The following CTBP1 variants were observed in gnomAD, a reference collection of about 807,000 sequenced individuals.
CTBP1 encodes C-terminal binding protein 1.
CTBP1 carries 11 observed loss-of-function variants against 42.1 expected under a neutral mutation model. The observed-to-expected ratio is 0.26, with a 90% CI of 0.16 to 0.43. The LOEUF (loss-of-function observed/expected upper bound fraction) is 0.43. Among genes scored for constraint, CTBP1 ranks in the 20% least tolerant of loss-of-function variants. The probability of loss-of-function intolerance (pLI) is 1.00; values close to 1 mark genes in which losing one functional copy is unlikely to be tolerated. For missense variants in CTBP1, 399 were observed against 624.3 expected, an observed-to-expected ratio of 0.64 and a Z score of 3.85; for synonymous variants, 324 against 277.1, an observed-to-expected ratio of 1.17 and a Z score of -1.68.
At chr4:1,225,598 G>C (rs1231099320) in intron 4 of CTBP1, 32 bp from the exon 5 acceptor site, 1 of 1,526,774 alleles carries the variant, frequency 6.5e-7, no homozygotes, top group African/African-American at 1.4e-5. Context: ...GGTCACCCCC[G>C]GGCCGGGCCC....
Position 1,249,066 on chromosome 4 carries a change from G to T in CTBP1, c.-339C>A. 1 of 378,374 alleles carries T rather than the reference G, an allele frequency of 2.6e-6. No individual in the cohort carries two copies. The highest frequency in any genetic ancestry group is 3.6e-6 in the Non-Finnish European group (1 of 278,370). The allele number at this position is 378,374 out of a possible 1,614,324, so 23.4% of individuals were successfully genotyped here. A position where few individuals can be genotyped will look rare whatever the true frequency, so the allele number is the denominator to read the frequency against. ...TCCGCTGCTCCGCCCGCCCGCCTGC[G>T]CCTGGCCGCCGCCGTGCCGAGTCTC... On this transcript the variant is annotated 5_prime_UTR_variant, in exon 1 of 10. Transcript: ENST00000382952.
intron 3 of CTBP1, chr4:1,236,423 TG>T: frequency 1.8e-6 from 1 of 561,092 alleles, no homozygotes; most frequent in Non-Finnish European, 3.2e-6. Flanking sequence ...GCCGCGCAAC[TG>T]GGGCCGGGGG....
At chr4:1,234,925 C>G (rs1018943608) in intron 3 of CTBP1, 1 of 151,222 alleles carries the variant, frequency 6.6e-6, no homozygotes, top group African/African-American at 2.4e-5. Flanking sequence ...CGGCGGCCCC[C>G]CCACCTACAC....
At chr4:1,236,333 C>A in intron 3 of CTBP1, 1 of 405,308 alleles carries the variant, frequency 2.5e-6, no homozygotes, top group Non-Finnish European at 4.5e-6. Flanking sequence ...AAACAAGAAT[C>A]AGGAAAGCTG....
Position 1,248,997 on chromosome 4 carries a change from G to A in CTBP1, c.-270C>T. 2 of 952,326 alleles carry A rather than the reference G, an allele frequency of 2.1e-6. No individual in the cohort carries two copies. Among genetic ancestry groups the A allele is most frequent in the Non-Finnish European group, 2.5e-6 (2 of 803,144 alleles). 59.0% of individuals were successfully genotyped at this position (952,326 alleles called of 1,614,324 possible). A position where few individuals can be genotyped will look rare whatever the true frequency, so the allele number is the denominator to read the frequency against. Reference sequence around the variant, plus strand: ...CCGCGGGCCCCGACCACTCCGGCGCGCTGCGCCGCCGCGAGCCCGGCGCGT... The same window carrying A: ...CCGCGGGCCCCGACCACTCCGGCGCACTGCGCCGCCGCGAGCCCGGCGCGT... On this transcript the variant is annotated 5_prime_UTR_variant, in exon 1 of 10. Coordinates refer to ENST00000382952, the MANE Select transcript of CTBP1 (RefSeq NM_001012614.2).
intron 5 of CTBP1, among the ~76,000 whole-genome samples, chr4:1,220,553 A>G (rs1729624914): frequency 1.3e-5 from 2 of 152,282 alleles, no homozygotes; most frequent in African/African-American, 4.8e-5. Context: ...ATGGAAATGC[A>G]CAGCAGGACC....
intron 1 of CTBP1, chr4:1,245,699 G>A (rs955592687): frequency 8.2e-5 from 81 of 982,366 alleles, no homozygotes; most frequent in African/African-American, 4.2e-4. Flanking sequence ...AGGGTGGCAC[G>A]GGCGGGCAGG....
At chr4:1,234,065 T>C (rs1731236844) in intron 3 of CTBP1, among the ~76,000 whole-genome samples, 2 of 152,166 alleles carry the variant, frequency 1.3e-5, no homozygotes, top group Non-Finnish European at 2.9e-5. Flanking sequence ...GGAGAGGCCC[T>C]GCTCCCCTCT....
intron 1 of CTBP1, 163 bp downstream of exon 1, chr4:1,248,753 C>G: frequency 1.0e-6 from 1 of 978,958 alleles, no homozygotes; most frequent in South Asian, 4.7e-5. Context: ...GGTCCCGCCC[C>G]CGACCGCGGC....
rs553004518 is a variant in CTBP1, at chr4:1,244,730, C to T, written c.-188-3211G>A. On this transcript the variant is annotated intron_variant, in intron 1 of 9. Transcript: ENST00000382952. The stretch of plus-strand genomic sequence containing the variant: ...GCCCTGTCCCCATAAGCCCTGATTA[C>T]TCCGGGCTCGAGTGGCCCTCTCGTG... 2.4e-5 allele frequency: 24 copies of T among 985,284 alleles called. No individual in the cohort carries two copies. In the African/African-American group the frequency reaches 3.5e-4, roughly 14 times the overall value. 61.0% of individuals were successfully genotyped at this position (985,284 alleles called of 1,614,324 possible). A position where few individuals can be genotyped will look rare whatever the true frequency, so the allele number is the denominator to read the frequency against.
intron 1 of CTBP1, chr4:1,244,736 G>A: frequency 1.0e-6 from 1 of 985,268 alleles, no homozygotes; most frequent in South Asian, 4.7e-5. Flanking sequence ...ATTACTCCGG[G>A]CTCGAGTGGC....
Position 1,212,202 on chromosome 4 carries a change from C to G in CTBP1, c.*38G>C. The G allele has an allele frequency of 7.1e-7, 1 of 1,402,562 alleles. No homozygotes were observed. The highest frequency in any genetic ancestry group is 9.3e-7 in the Non-Finnish European group (1 of 1,073,524). 86.9% of individuals were successfully genotyped at this position (1,402,562 alleles called of 1,614,324 possible). On this transcript the variant is annotated 3_prime_UTR_variant, in exon 10 of 10. Coordinates refer to ENST00000382952, the MANE Select transcript of CTBP1 (RefSeq NM_001012614.2). ...ACTCTGGTCCGAGGGTTTCCGGGCC[C>G]TCTGCCCAGGCGCCGAGGCTGGAGA...
At chr4:1,240,680 G>A (rs993866469) in intron 2 of CTBP1, among the ~76,000 whole-genome samples, 1 of 152,118 alleles carries the variant, frequency 6.6e-6, no homozygotes, top group South Asian at 2.1e-4. Context: ...CGGTGGGGAG[G>A]GGGGAGCAGG....
At position 1,213,771 on chromosome 4, in the gene CTBP1, G is replaced by A. The variant is rs182807122; in HGVS notation, c.861-166C>T. On this transcript the variant is annotated intron_variant, in intron 7 of 9. Transcript: ENST00000382952. ...TGGCTGAGCTCAAGAGCACAGCCCC[G>A]GGACCATCAGACACACCAGGGGCTC... 7.4e-4 allele frequency: 630 copies of A among 847,156 alleles called. 7 individuals are homozygous for A. In the East Asian group the frequency reaches 0.017, roughly 23 times the overall value. 52.5% of individuals were successfully genotyped at this position (847,156 alleles called of 1,614,324 possible). A position where few individuals can be genotyped will look rare whatever the true frequency, so the allele number is the denominator to read the frequency against.
chr4:1,211,936 G>T lies in CTBP1; in HGVS notation c.*304C>A. 1.2e-5 allele frequency: 3 copies of T among 241,084 alleles called. No homozygotes were observed. The highest frequency in any genetic ancestry group is 2.3e-5 in the Non-Finnish European group (3 of 127,686). 14.9% of individuals were successfully genotyped at this position (241,084 alleles called of 1,614,324 possible). On this transcript the variant is annotated 3_prime_UTR_variant, in exon 10 of 10. Transcript: ENST00000382952. ...TGCTCCTTCAGGTTTTCTTTTTGTTGACAGCTAAGCAAACAGATCCTTTGT... is the reference window on the plus strand; with the variant it reads ...TGCTCCTTCAGGTTTTCTTTTTGTTTACAGCTAAGCAAACAGATCCTTTGT...
chr4:1,248,847 C>A (rs1733056772), intron 1 of CTBP1, 69 bp downstream of exon 1: 1 of 919,278 alleles, frequency 1.1e-6, no homozygotes, highest in South Asian at 4.9e-5. Context: ...CCCGCGCCCC[C>A]CGCCCGCGCG....
intron 3 of CTBP1, among the ~76,000 whole-genome samples, chr4:1,228,768 G>T (rs1334242348): frequency 2.0e-5 from 3 of 152,150 alleles, no homozygotes; most frequent in African/African-American, 7.2e-5. Flanking sequence ...GGTGCAGCTG[G>T]GTGGGGTGGC....
At chr4:1,246,862 G>A (rs894378210) in intron 1 of CTBP1, among the ~76,000 whole-genome samples, 2 of 152,240 alleles carry the variant, frequency 1.3e-5, no homozygotes, top group African/African-American at 4.8e-5. Context: ...TTAACAGAAT[G>A]ATGGTTAACA....
Position 1,220,554 on chromosome 4 carries a change from C to T in CTBP1, c.515-4349G>A, listed in dbSNP as rs979263211. Among the ~76,000 whole-genome samples the T allele has an allele frequency of 9.8e-5, 15 of 152,312 alleles. 1 individual carries two copies. Among genetic ancestry groups the T allele is most frequent in the East Asian group, 3.9e-4 (2 of 5,190 alleles). ...ATTCCAGAATGGAAATGGAAATGCA[C>T]AGCAGGACCTAAAACAGCCAAGACC... On this transcript the variant is annotated intron_variant, in intron 5 of 9. Coordinates refer to ENST00000382952, the MANE Select transcript of CTBP1 (RefSeq NM_001012614.2).
Sources: allele counts gnomAD v4.1 joint callset (sites outside exome capture counted in the v4.1 genomes callset), GRCh38; gene constraint gnomAD v4.1.1; transcripts MANE v1.5; gene names NCBI Gene and HGNC (gene_info 2026-07-23, HGNC 2026-07-21).